Variants in BTNL8 observed in about 807,000 individuals in gnomAD.
The protein encoded by BTNL8 is butyrophilin-like protein 8.
A neutral mutation model predicts 36.1 loss-of-function variants in BTNL8; 22 were observed. The observed-to-expected ratio is 0.61, with a 90% CI of 0.44 to 0.87. BTNL8 has a LOEUF of 0.87. BTNL8 is among the 40% of genes least tolerant of loss of function. BTNL8 has a pLI of 0.00. For missense variants in BTNL8, 526 were observed against 616.9 expected (o/e 0.85, Z 1.56); for synonymous variants, 203 against 235.6 (o/e 0.86, Z 1.27).
At chr5:180,909,195 C>T (rs553616091) in intron 2 of BTNL8, among the ~76,000 whole-genome samples, 1 of 152,256 alleles carries the variant, frequency 6.6e-6, no homozygotes, top group East Asian at 1.9e-4. Flanking sequence ...TGGTCACACC[C>T]ACCCCTTCTC....
chr5:180,946,698 A>G (rs1314552378), intron 3 of BTNL8, among the ~76,000 whole-genome samples: 3 of 152,262 alleles, frequency 2.0e-5, no homozygotes, highest in African/African-American at 7.2e-5. Flanking sequence ...ACTGAAGAAC[A>G]GGGTGACTGT....
rs1286719675 is a variant in BTNL8 at position 180,907,995 on chromosome 5, AGGT to A, written c.50-588_50-586del. Among the ~76,000 whole-genome samples, 1,197 of 152,326 alleles carry A rather than the reference AGGT, an allele frequency of 7.9e-3. 11 individuals are homozygous for A. The highest frequency in any genetic ancestry group is 0.027 in the African/African-American group (1,129 of 41,558). ...TTGTGTGTCTGTGCCCTGCCCCCAGAGGTGGAGCCTACAGAGGCAGGCAGGCCT... is the reference window on the plus strand; with the variant it reads ...TTGTGTGTCTGTGCCCTGCCCCCAGAGGAGCCTACAGAGGCAGGCAGGCCT... On this transcript the variant is annotated intron_variant, in intron 1 of 7. Transcript: ENST00000340184.
intron 3 of BTNL8, among the ~76,000 whole-genome samples, chr5:180,934,214 G>T (rs1038140917): frequency 6.6e-6 from 1 of 152,174 alleles, no homozygotes; most frequent in African/African-American, 2.4e-5. Flanking sequence ...AATTGATACA[G>T]AGAAAATATT....
chr5:180,944,232 G>A (rs1452611839), intron 3 of BTNL8, among the ~76,000 whole-genome samples: 2 of 152,170 alleles, frequency 1.3e-5, no homozygotes, highest in Non-Finnish European at 2.9e-5. Flanking sequence ...CAATTAGATA[G>A]GAAGAAAATG....
chr5:180,927,795 A>G (rs548511419), intron 3 of BTNL8, among the ~76,000 whole-genome samples: 3 of 152,334 alleles, frequency 2.0e-5, no homozygotes, highest in Non-Finnish European at 4.4e-5. Flanking sequence ...AAAAGAATGA[A>G]AAGGAACAAA....
intron 3 of BTNL8, among the ~76,000 whole-genome samples, chr5:180,941,094 G>GAGGGAGGAAGGA (rs1218760359): frequency 4.9e-5 from 4 of 80,930 alleles, no homozygotes; most frequent in African/African-American, 7.2e-5. Context: ...GGAAGGGAGG[G>GAGGGAGGAAGGA]AGGGAGGAAG....
At chr5:180,942,536 A>G (rs781713793) in intron 3 of BTNL8, among the ~76,000 whole-genome samples, 1 of 152,242 alleles carries the variant, frequency 6.6e-6, no homozygotes, top group Non-Finnish European at 1.5e-5. Flanking sequence ...TGGAGCTTCA[A>G]AATACACTAC....
At chr5:180,902,257 G>T in intron 1 of BTNL8, 1 of 1,203,860 alleles carries the variant, frequency 8.3e-7, no homozygotes, top group Non-Finnish European at 1.2e-6. Flanking sequence ...GGAATCAAAG[G>T]GTCTACATTC....
rs1326650801 is a variant in BTNL8, at chr5:180,911,401, T to C, written c.460T>C (p.Cys154Arg). The change falls in exon 3 of 8, where the codon TGT becomes CGT. Residue 154 changes from cysteine to arginine, a missense_variant. Cys to Arg is a radical substitution (Grantham distance 180, BLOSUM62 -3). Transcript: ENST00000340184. ...GYVDRDIQLL[C>R]QSSGWFPRPT... Reference sequence around the variant, plus strand: ...TGTTGATAGAGACATCCAGCTACTCTGTCAGTCCTCGGGCTGGTTCCCCCG... The same window carrying C: ...TGTTGATAGAGACATCCAGCTACTCCGTCAGTCCTCGGGCTGGTTCCCCCG... 1 of 1,614,212 alleles carries C rather than the reference T, an allele frequency of 6.2e-7. No homozygotes were observed. The highest frequency in any genetic ancestry group is 8.5e-7 in the Non-Finnish European group (1 of 1,180,034).
chr5:180,947,078 G>T (rs778591353), intron 3 of BTNL8, among the ~76,000 whole-genome samples: 27 of 152,282 alleles, frequency 1.8e-4, no homozygotes, highest in Middle Eastern at 3.4e-3. Flanking sequence ...AGTTGCCAAG[G>T]CACAACTGAA....
At position 180,917,525 on chromosome 5, in the gene BTNL8, T is replaced by C. The variant is rs7711824; in HGVS notation, c.673+5911T>C. 6.4e-4 allele frequency among the ~76,000 whole-genome samples: 95 copies of C among 148,658 alleles called. 3 individuals carry two copies. The highest frequency in any genetic ancestry group is 3.5e-3 in the Middle Eastern group (1 of 286). On this transcript the variant is annotated intron_variant, in intron 3 of 7. Transcript: ENST00000340184. ...GTTAGACTACGGCACTATGAAAAATTACAGGCCAACAAATTGGATAACCTA... is the reference window on the plus strand; with the variant it reads ...GTTAGACTACGGCACTATGAAAAATCACAGGCCAACAAATTGGATAACCTA...
chr5:180,941,124 G>GGAAGGAAGGAAA (rs1422472947), intron 3 of BTNL8, among the ~76,000 whole-genome samples: 1 of 149,458 alleles, frequency 6.7e-6, no homozygotes, highest in Non-Finnish European at 1.5e-5. Flanking sequence ...AAGGAAGGAA[G>GGAAGGAAGGAAA]GAAGGAAGGA....
intron 3 of BTNL8, among the ~76,000 whole-genome samples, chr5:180,934,337 A>G (rs1333398525): frequency 1.3e-5 from 2 of 152,260 alleles, no homozygotes; most frequent in African/African-American, 2.4e-5. Context: ...TAACATTGCC[A>G]TGGCATCCTT....
intron 3 of BTNL8, among the ~76,000 whole-genome samples, chr5:180,933,211 A>G (rs1758487575): frequency 6.6e-6 from 1 of 152,240 alleles, no homozygotes; most frequent in Non-Finnish European, 1.5e-5. Context: ...CAATAGAAGT[A>G]GGGAACCTCA....
chr5:180,925,439 A>G (rs1490948051), intron 3 of BTNL8, among the ~76,000 whole-genome samples: 2 of 152,232 alleles, frequency 1.3e-5, no homozygotes, highest in Non-Finnish European at 2.9e-5. Context: ...AGAGAGCCCC[A>G]ATATGGTTTT....
intron 1 of BTNL8, among the ~76,000 whole-genome samples, chr5:180,908,058 T>C (rs1442739832): frequency 6.6e-6 from 1 of 152,248 alleles, no homozygotes; most frequent in Non-Finnish European, 1.5e-5. Context: ...CAGTTGGAGC[T>C]GCTTTGTTTA....
In BTNL8 at chr5:180,924,801, C is replaced by T. The variant is rs746702690; in HGVS notation, c.673+13187C>T. Among the ~76,000 whole-genome samples the T allele has an allele frequency of 6.6e-5, 10 of 152,088 alleles. No homozygotes were observed. The East Asian group carries it at 9.6e-4, about 15-fold the overall frequency. ...ACACCAAAAGAAACTAATAATGCTC[C>T]GGTAATAGACCCTGAAATATGCAAG... On this transcript the variant is annotated intron_variant, in intron 3 of 7. Transcript: ENST00000340184.
chr5:180,915,174 C>T (rs563099529), intron 3 of BTNL8, among the ~76,000 whole-genome samples: 15 of 152,286 alleles, frequency 9.8e-5, no homozygotes, highest in African/African-American at 3.1e-4. Context: ...CTACTAGAGG[C>T]CCACCTCACA....
intron 1 of BTNL8, 86 bp from the exon 2 acceptor site, chr5:180,908,500 C>A (rs931749894): frequency 1.5e-6 from 2 of 1,299,208 alleles, no homozygotes; most frequent in Non-Finnish European, 1.1e-6. Context: ...AGCTGTAGAC[C>A]GGAGCTGTTC....
Sources: allele counts gnomAD v4.1 joint callset (sites outside exome capture counted in the v4.1 genomes callset), GRCh38; gene constraint gnomAD v4.1.1; transcripts MANE v1.5; gene names NCBI Gene and HGNC (gene_info 2026-07-23, HGNC 2026-07-21).